The following CTBP2 variants were observed in gnomAD, a reference collection of about 807,000 sequenced individuals.
The protein encoded by CTBP2 is C-terminal binding protein 2.
In CTBP2, 30 loss-of-function variants were observed where a neutral mutation model predicts 80.3. The observed-to-expected ratio is 0.37, with a 90% confidence interval of 0.28 to 0.51. The LOEUF is 0.51. Among genes scored for constraint, CTBP2 ranks in the 20% least tolerant of loss-of-function variants. CTBP2 has a pLI of 0.93. For missense variants in CTBP2, 1,212 were observed against 1,375.3 expected, an observed-to-expected ratio of 0.88 and a Z score of 1.88; for synonymous variants, 594 against 587.4, an observed-to-expected ratio of 1.01 and a Z score of -0.16.
At chr10:125,071,288 G>A (rs957705827) in intron 2 of CTBP2, among the ~76,000 whole-genome samples, 3 of 152,242 alleles carry the variant, frequency 2.0e-5, no homozygotes, top group Non-Finnish European at 2.9e-5. Flanking sequence ...GCCACTGGAC[G>A]GCCCTTGGCA....
intron 2 of CTBP2, among the ~76,000 whole-genome samples, chr10:125,051,355 T>G (rs1446452329): frequency 6.6e-6 from 1 of 152,152 alleles, no homozygotes; most frequent in Non-Finnish European, 1.5e-5. Flanking sequence ...AAATACCTTT[T>G]CAGGCCAGGC....
chr10:124,990,042 G>GTT (rs74920887), intron 8 of CTBP2, among the ~76,000 whole-genome samples: 43 of 138,854 alleles, frequency 3.1e-4, no homozygotes, highest in Admixed American at 3.6e-4. Context: ...CTGGCTAATA[G>GTT]TTTTTTTTTT....
chr10:125,145,358 T>A (rs1216398823), intron 1 of CTBP2, among the ~76,000 whole-genome samples: 1 of 151,952 alleles, frequency 6.6e-6, no homozygotes, highest in Non-Finnish European at 1.5e-5. Context: ...GGGACGCCCC[T>A]GCTCCAGAAG....
At chr10:125,059,078 C>A (rs1590403495) in intron 2 of CTBP2, among the ~76,000 whole-genome samples, 1 of 152,132 alleles carries the variant, frequency 6.6e-6, no homozygotes, top group Non-Finnish European at 1.5e-5. Flanking sequence ...ACTGCGTGAA[C>A]CTTCTGGAGA....
chr10:125,005,031 C>G (rs1428707949), intron 1 of CTBP2, among the ~76,000 whole-genome samples: 2 of 152,200 alleles, frequency 1.3e-5, no homozygotes, highest in Non-Finnish European at 1.5e-5. Context: ...GGCTCATATT[C>G]CGTTAGCCAC....
In CTBP2 at chr10:125,066,397, G is replaced by A. The variant is rs1050239052; in HGVS notation, c.-101-27242C>T. ...TCCCGTGCCTTCTAAGCAGTCAGGT[G>A]CATGCACCATGCTAGGTGAGTGCAG... On this transcript the variant is annotated intron_variant, in intron 2 of 10. Transcript: ENST00000337195. This position sits in a 1 kb window ranked among gnomAD's most constrained non-coding sequence, Gnocchi z 4.1. Among the ~76,000 whole-genome samples the A allele has an allele frequency of 2.0e-5, 3 of 152,174 alleles. No homozygotes were observed. Among genetic ancestry groups the A allele is most frequent in the Admixed American group, 2.0e-4 (3 of 15,288 alleles).
intron 2 of CTBP2, among the ~76,000 whole-genome samples, chr10:125,053,048 AAC>A (rs1963134284): frequency 6.6e-6 from 1 of 152,194 alleles, no homozygotes; most frequent in East Asian, 1.9e-4. Flanking sequence ...ATTTCTTCAA[AAC>A]ACAGAACTTT....
chr10:125,040,138 T>A (rs1023354695), intron 2 of CTBP2, among the ~76,000 whole-genome samples: 2 of 152,150 alleles, frequency 1.3e-5, no homozygotes, highest in Admixed American at 1.3e-4. Flanking sequence ...GGAACTGCAT[T>A]CTTTACATTG....
chr10:125,161,030 T>G (rs1284699566), upstream of CTBP2: 1 of 128,950 alleles, frequency 7.8e-6, no homozygotes, highest in Non-Finnish European at 1.6e-5. Context: ...GGAGGCGAGG[T>G]GAGGGTCGCC....
chr10:125,161,497 A>G (rs1221182580), upstream of CTBP2, among the ~76,000 whole-genome samples: 3 of 151,456 alleles, frequency 2.0e-5, no homozygotes, highest in Non-Finnish European at 4.4e-5. Flanking sequence ...CCGGGCTCCA[A>G]CTTCCTCCTG....
intron 2 of CTBP2, among the ~76,000 whole-genome samples, chr10:125,083,786 T>C (rs949219509): frequency 2.0e-5 from 3 of 152,140 alleles, no homozygotes; most frequent in Non-Finnish European, 4.4e-5. Flanking sequence ...AAGTTTTTTT[T>C]GTTTTGTTTT....
At chr10:125,031,257 G>A (rs1958156718), upstream of CTBP2, among the ~76,000 whole-genome samples, 3 of 152,140 alleles carry the variant, frequency 2.0e-5, no homozygotes, top group South Asian at 4.1e-4. Flanking sequence ...GGGAGACTGA[G>A]TGGGGCGGAT....
chr10:125,043,930 C>T (rs549048223), intron 2 of CTBP2, among the ~76,000 whole-genome samples: 1 of 152,160 alleles, frequency 6.6e-6, no homozygotes, highest in Non-Finnish European at 1.5e-5. Flanking sequence ...TAAAGGCAGA[C>T]CGAGTTTCAC....
In CTBP2 at chr10:124,993,891, C is replaced by T; in HGVS notation, c.2495G>A (p.Gly832Glu). 1.9e-6 allele frequency: 3 copies of T among 1,614,004 alleles called. No individual in the cohort carries two copies. The highest frequency in any genetic ancestry group is 2.2e-5 in the South Asian group (2 of 91,076). ...TGACTCATGCACGTCGAGGGCTGCC[C>T]CTCGTATCCTGCCCTCCTTGAGGGC... The change falls in exon 6 of 9, where the codon GGG becomes GAG. Residue 832 changes from glycine to glutamate, a missense_variant. Physicochemically the swap from Gly to Glu is moderately conservative, Grantham distance 98. Around this residue, in one of 3 missense-constraint regions of CTBP2, gnomAD observed 335 missense variants for 504.7 expected, o/e 0.66. Coordinates refer to ENST00000309035, the MANE Select transcript of CTBP2 (RefSeq NM_022802.3).
rs975453813 is a variant in CTBP2 at position 124,993,112 on chromosome 10, C to T, written c.2659+90G>A. 11 of 1,480,258 alleles carry T rather than the reference C, an allele frequency of 7.4e-6. No individual in the cohort carries two copies. In the East Asian group the frequency reaches 9.3e-5, roughly 12 times the overall value. The allele number at this position is 1,480,258 out of a possible 1,614,324, so 91.7% of individuals were successfully genotyped here. A position where few individuals can be genotyped will look rare whatever the true frequency, so the allele number is the denominator to read the frequency against. ...GATGCTAAAAGTGAATTCTACCTGT[C>T]GAGAGCTGCCTGTAGCCAGCAGGAC... On this transcript the variant is annotated intron_variant, in intron 7 of 8. Coordinates refer to ENST00000309035, the MANE Select transcript of CTBP2 (RefSeq NM_022802.3).
chr10:125,017,502 C>A (rs1590096554), intron 1 of CTBP2, among the ~76,000 whole-genome samples: 1 of 152,342 alleles, frequency 6.6e-6, no homozygotes, highest in South Asian at 2.1e-4. Context: ...CCCTACCACC[C>A]TCCCTCACCT....
At chr10:125,150,624 T>G (rs1228401338) in intron 1 of CTBP2, among the ~76,000 whole-genome samples, 1 of 151,688 alleles carries the variant, frequency 6.6e-6, no homozygotes, top group Non-Finnish European at 1.5e-5. Flanking sequence ...TCTTCATTGG[T>G]AAAACAGTGA....
Position 124,985,151 on chromosome 10 carries a change from A to G in CTBP2, c.*4367T>C, listed in dbSNP as rs773037549. 3.9e-5 allele frequency: 23 copies of G among 583,002 alleles called. No individual in the cohort carries two copies. In the South Asian group the frequency reaches 5.6e-4, roughly 14 times the overall value. The allele number at this position is 583,002 out of a possible 1,614,324, so 36.1% of individuals were successfully genotyped here. On this transcript the variant is annotated 3_prime_UTR_variant, in exon 9 of 9. Coordinates refer to ENST00000309035, the MANE Select transcript of CTBP2 (RefSeq NM_022802.3). The stretch of plus-strand genomic sequence containing the variant: ...TGGACCACACACACCTTATGGAGAT[A>G]ATGCCTCTGCTGCGTGAGGAGACAG...
intron 1 of CTBP2, among the ~76,000 whole-genome samples, chr10:125,157,632 AG>A (rs1223905071): frequency 1.4e-5 from 2 of 144,198 alleles, no homozygotes; most frequent in Non-Finnish European, 3.1e-5. Flanking sequence ...TCCCTTTTAC[AG>A]GGGGGCAGGG....
Sources: gnomAD v4.1 joint callset for allele counts (sites outside exome capture counted in the v4.1 genomes callset) on GRCh38, gnomAD v4.1.1 for gene constraint, gnomAD v4.1.1 regional missense constraint, Gnocchi (gnomAD v3.1) non-coding constraint, MANE v1.5 for transcripts, NCBI Gene and HGNC (gene_info 2026-07-23, HGNC 2026-07-21) for gene names.